Variants in TMEM26 observed in about 807,000 individuals in gnomAD.
TMEM26 encodes the protein transmembrane protein 26.
A neutral mutation model predicts 28.8 loss-of-function variants in TMEM26; 38 were observed. That is an observed-to-expected ratio of 1.32 (90% CI 1.02 to 1.73). The LOEUF (loss-of-function observed/expected upper bound fraction) is 1.73. TMEM26 is among the 40% of genes most tolerant of loss of function. The pLI, the probability that TMEM26 is intolerant of heterozygous loss-of-function variation, is 0.00. For synonymous variants in TMEM26, 227 were observed against 182.9 expected, an observed-to-expected ratio of 1.24 and a Z score of -1.95; for missense variants, 518 against 447.1, an observed-to-expected ratio of 1.16 and a Z score of -1.43.
At chr10:61,412,976 T>A (rs1437943930) in intron 5 of TMEM26, 19 of 1,278,568 alleles carry the variant, frequency 1.5e-5, no homozygotes, top group Non-Finnish European at 2.0e-5. Context: ...CTCCTATGTC[T>A]TCTGAAGTTC....
chr10:61,453,104 C>G lies in TMEM26; in HGVS notation c.-23G>C. The G allele has an allele frequency of 6.2e-7, 1 of 1,604,274 alleles. No individual in the cohort carries two copies. Among genetic ancestry groups the G allele is most frequent in the Non-Finnish European group, 8.5e-7 (1 of 1,174,808 alleles). ...CATGCTGGCCGGAGCACTCTGCCTA[C>G]GTCCCCTTGCCTGCGCCCCCAGGAC... On this transcript the variant is annotated 5_prime_UTR_variant, in exon 1 of 6. Coordinates refer to ENST00000399298, the MANE Select transcript of TMEM26 (RefSeq NM_178505.8).
chr10:61,440,310 G>A lies in TMEM26; in HGVS notation c.192-4062C>T, dbSNP rs193010052. 1.2e-4 allele frequency among the ~76,000 whole-genome samples: 19 copies of A among 152,112 alleles called. No homozygotes were observed. In the Middle Eastern group the frequency reaches 0.01, roughly 82 times the overall value. On this transcript the variant is annotated intron_variant, in intron 1 of 5. Transcript: ENST00000399298. ...ACTCCTTGAATCAAGGGCCCTTCTTGTACTGTTGAATACAAACATCGTTAT... is the reference window on the plus strand; with the variant it reads ...ACTCCTTGAATCAAGGGCCCTTCTTATACTGTTGAATACAAACATCGTTAT...
chr10:61,434,970 A>G (rs1278993160), intron 2 of TMEM26, among the ~76,000 whole-genome samples: 1 of 152,236 alleles, frequency 6.6e-6, no homozygotes, highest in Non-Finnish European at 1.5e-5. Context: ...TTATTAGGTC[A>G]TAACTACATT....
chr10:61,452,262 C>A (rs905156377), intron 1 of TMEM26, among the ~76,000 whole-genome samples: 1 of 152,254 alleles, frequency 6.6e-6, no homozygotes, highest in African/African-American at 2.4e-5. Flanking sequence ...CGTTACAACC[C>A]GTTCCTTGCA....
At chr10:61,444,989 A>T (rs1840156129) in intron 1 of TMEM26, among the ~76,000 whole-genome samples, 1 of 152,154 alleles carries the variant, frequency 6.6e-6, no homozygotes, top group Non-Finnish European at 1.5e-5. Flanking sequence ...AATTGTTTTC[A>T]TTATCTATTA....
At chr10:61,421,593 G>T (rs936446664) in intron 4 of TMEM26, among the ~76,000 whole-genome samples, 1 of 152,048 alleles carries the variant, frequency 6.6e-6, no homozygotes, top group African/African-American at 2.4e-5. Flanking sequence ...AGACACACTG[G>T]GGTGAATGCC....
At chr10:61,416,204 G>A (rs1208754467) in intron 4 of TMEM26, 2 of 413,174 alleles carry the variant, frequency 4.8e-6, no homozygotes, top group African/African-American at 4.2e-5. Context: ...ATCTTTTGAA[G>A]TTTCATCTAA....
chr10:61,418,750 C>T (rs1839694743), intron 4 of TMEM26, among the ~76,000 whole-genome samples: 2 of 151,978 alleles, frequency 1.3e-5, no homozygotes, highest in Admixed American at 1.3e-4. Flanking sequence ...GGGTAATGAA[C>T]TAACTTTAAA....
chr10:61,412,230 G>A (rs773211458), intron 5 of TMEM26, among the ~76,000 whole-genome samples: 5 of 151,794 alleles, frequency 3.3e-5, no homozygotes, highest in Non-Finnish European at 5.9e-5. Context: ...TACCTTCCAG[G>A]GCACATTATG....
intron 1 of TMEM26, among the ~76,000 whole-genome samples, chr10:61,436,805 C>A (rs1256809172): frequency 6.6e-6 from 1 of 152,102 alleles, no homozygotes; most frequent in African/African-American, 2.4e-5. Context: ...ACACCAACAA[C>A]CAACGGTGTA....
chr10:61,427,391 G>T (rs977930696), intron 4 of TMEM26, among the ~76,000 whole-genome samples: 4 of 151,944 alleles, frequency 2.6e-5, no homozygotes, highest in African/African-American at 9.7e-5. Flanking sequence ...TCTCTGCCTA[G>T]CTCAGTGCTT....
chr10:61,413,040 A>T (rs746978078), intron 5 of TMEM26: 70 of 1,096,050 alleles, frequency 6.4e-5, no homozygotes, highest in Non-Finnish European at 7.5e-5. Context: ...ATAATAAGAA[A>T]TAAAACTTTT....
intron 4 of TMEM26, among the ~76,000 whole-genome samples, chr10:61,423,164 T>A (rs934362991): frequency 6.6e-6 from 1 of 152,108 alleles, no homozygotes; most frequent in Non-Finnish European, 1.5e-5. Flanking sequence ...ATAGAATATC[T>A]AAATAGACCT....
chr10:61,414,869 A>C (rs1203975851), intron 4 of TMEM26: 3 of 458,822 alleles, frequency 6.5e-6, no homozygotes, highest in African/African-American at 2.1e-5. Flanking sequence ...TTCAGATTTA[A>C]ACAAGGCTTC....
At chr10:61,419,531 G>GA (rs35595713) in intron 4 of TMEM26, among the ~76,000 whole-genome samples, 14,874 of 152,032 alleles carry the variant, frequency 0.098, 1,558 homozygotes, top group African/African-American at 0.26. Flanking sequence ...AAACTGAAGT[G>GA]AAAAATTCAA....
intron 5 of TMEM26, 87 bp downstream of exon 5, chr10:61,413,372 C>T: frequency 1.3e-6 from 2 of 1,541,310 alleles, no homozygotes; most frequent in Admixed American, 2.0e-5. Context: ...ACATGATAAT[C>T]CTTTCACTTG....
intron 4 of TMEM26, among the ~76,000 whole-genome samples, chr10:61,420,697 A>C (rs139172557): frequency 4.0e-5 from 6 of 151,226 alleles, no homozygotes; most frequent in Non-Finnish European, 7.4e-5. Context: ...TTTAAACATG[A>C]AGGCAAAATA....
intron 1 of TMEM26, among the ~76,000 whole-genome samples, chr10:61,437,563 C>T (rs1840028159): frequency 6.6e-6 from 1 of 152,124 alleles, no homozygotes; most frequent in African/African-American, 2.4e-5. Context: ...GCAGGTGGAT[C>T]ACTTGAGGTT....
chr10:61,411,498 T>C lies in TMEM26; in HGVS notation c.683-752A>G, dbSNP rs147497711. 2.5e-4 allele frequency among the ~76,000 whole-genome samples: 38 copies of C among 152,344 alleles called. No individual in the cohort carries two copies. The East Asian group carries it at 7.1e-3, about 29-fold the overall frequency. ...TTACACACTCAAGCGTGTGCGCAAATTGTGCTGTGAAAATTCAAGTGCTTA... is the reference window on the plus strand; with the variant it reads ...TTACACACTCAAGCGTGTGCGCAAACTGTGCTGTGAAAATTCAAGTGCTTA... On this transcript the variant is annotated intron_variant, in intron 5 of 5. Coordinates refer to ENST00000399298, the MANE Select transcript of TMEM26 (RefSeq NM_178505.8).
Sources: allele counts gnomAD v4.1 joint callset (sites outside exome capture counted in the v4.1 genomes callset), GRCh38; gene constraint gnomAD v4.1.1; transcripts MANE v1.5; gene names NCBI Gene and HGNC (gene_info 2026-07-23, HGNC 2026-07-21).